CFAP46: variants seen among roughly 807,000 people sequenced by gnomAD.
CFAP46 encodes the protein cilia and flagella associated protein 46, also known as cilia- and flagella-associated protein 46.
Under a neutral mutation model 325.7 loss-of-function variants are expected in CFAP46, and 245 were observed. That is an observed-to-expected ratio of 0.75 (90% CI 0.68 to 0.84). The LOEUF (loss-of-function observed/expected upper bound fraction) is 0.84, where lower values mean the gene tolerates loss of function less well. CFAP46 is among the 40% of genes least tolerant of loss of function. The pLI is 0.00. For synonymous variants in CFAP46, 1,523 were observed against 1,495.9 expected, an observed-to-expected ratio of 1.02 and a Z score of -0.42; for missense variants, 3,346 against 3,543.0, an observed-to-expected ratio of 0.94 and a Z score of 1.41.
chr10:132,935,653 G>T (rs868029185), intron 7 of CFAP46, among the ~76,000 whole-genome samples: 4 of 121,752 alleles, frequency 3.3e-5, no homozygotes, highest in South Asian at 2.7e-4. Context: ...ACTCCCCTCA[G>T]CACCCAAACA....
In CFAP46 at chr10:132,851,210, C is replaced by T. The variant is rs1232397717; in HGVS notation, c.5670G>A (p.Glu1890=). ...GCTCACTCTGCTGCCCGTGGGCCTC[C>T]TCCCAGATGAACTGGAGCATGTCCA... is the stretch of plus-strand genomic sequence containing the variant. ...MALDMLQFIW[E]EAHGQQSEQG... The change falls in exon 40 of 58, where the codon GAG becomes GAA. Residue 1890 remains glutamate, a synonymous_variant. Coordinates refer to ENST00000368586, the MANE Select transcript of CFAP46 (RefSeq NM_001200049.3). 6.2e-7 allele frequency: 1 copy of T among 1,614,142 alleles called. No homozygotes were observed. Among genetic ancestry groups the T allele is most frequent in the Non-Finnish European group, 8.5e-7 (1 of 1,180,044 alleles).
intron 57 of CFAP46, 35 bp downstream of exon 57, chr10:132,810,365 AGAGGGTGCT>A: frequency 6.4e-7 from 1 of 1,555,196 alleles, no homozygotes; most frequent in Non-Finnish European, 8.9e-7. Flanking sequence ...CAGTGGCTGC[AGAGGGTGCT>A]GAAGGCCGCG....
chr10:132,934,918 T>C (rs1041181090), intron 7 of CFAP46, 56 bp from the exon 8 acceptor site: 3 of 1,144,816 alleles, frequency 2.6e-6, no homozygotes, highest in Non-Finnish European at 4.0e-6. Flanking sequence ...TTATTCAAAT[T>C]CTTCTAAGAG....
chr10:132,871,485 C>A (rs1848895523), intron 32 of CFAP46, among the ~76,000 whole-genome samples: 1 of 152,158 alleles, frequency 6.6e-6, no homozygotes, highest in Non-Finnish European at 1.5e-5. Context: ...TAAGAACATT[C>A]CTGATTCATG....
At position 132,869,576 on chromosome 10, in the gene CFAP46, C is replaced by T. The variant is rs1279561087; in HGVS notation, c.4512-204G>A. Among the ~76,000 whole-genome samples the T allele has an allele frequency of 2.6e-5, 4 of 152,202 alleles. No homozygotes were observed. Among genetic ancestry groups the T allele is most frequent in the Admixed American group, 6.5e-5 (1 of 15,286 alleles). On this transcript the variant is annotated intron_variant, in intron 32 of 57. Transcript: ENST00000368586. This position sits in a 1 kb window ranked among gnomAD's most constrained non-coding sequence, Gnocchi z 6.2. ...ATCAAATTTCAAGTGGGATTCTTCTCCCGCTCCTTCACAGATCTCGTGCGA... is the reference window on the plus strand; with the variant it reads ...ATCAAATTTCAAGTGGGATTCTTCTTCCGCTCCTTCACAGATCTCGTGCGA...
intron 3 of CFAP46, 144 bp downstream of exon 3, chr10:132,941,447 G>T (rs1850099673): frequency 8.9e-7 from 1 of 1,122,280 alleles, no homozygotes; most frequent in Non-Finnish European, 1.3e-6. Context: ...ACAGGAAATG[G>T]TGCAAGTTTC....
chr10:132,813,895 AG>A (rs1047474973), intron 54 of CFAP46, among the ~76,000 whole-genome samples: 9 of 152,160 alleles, frequency 5.9e-5, no homozygotes, highest in African/African-American at 2.2e-4. Flanking sequence ...GCTGGTGAAG[AG>A]GCAGCCCCTG....
chr10:132,927,109 C>A (rs1420267379), intron 9 of CFAP46, among the ~76,000 whole-genome samples: 2 of 152,094 alleles, frequency 1.3e-5, no homozygotes, highest in African/African-American at 2.4e-5. Context: ...GGTGGCCTTA[C>A]AAAAGCTGGG....
Position 132,851,158 on chromosome 10 carries a change from C to G in CFAP46, c.5722G>C (p.Asp1908His). The G allele has an allele frequency of 1.9e-6, 3 of 1,614,068 alleles. No individual in the cohort carries two copies. Among genetic ancestry groups the G allele is most frequent in the Non-Finnish European group, 2.5e-6 (3 of 1,180,024 alleles). Reference sequence around the variant, plus strand: ...TAGTCACTGGTGTTCTGCAGATAGTCCGCCAGCAGCTTCTCCAGGGACCCC... The same window carrying G: ...TAGTCACTGGTGTTCTGCAGATAGTGCGCCAGCAGCTTCTCCAGGGACCCC... ...EQGSLEKLLA[D>H]YLQNTSDYTS... The change falls in exon 40 of 58, where the codon GAC becomes CAC. Residue 1908 changes from aspartate to histidine, a missense_variant. Coordinates refer to ENST00000368586, the MANE Select transcript of CFAP46 (RefSeq NM_001200049.3).
rs1849572259 is a variant in CFAP46, at chr10:132,912,718, T to C, written c.2436A>G (p.Arg812=). Residue 812 remains arginine (R), a synonymous_variant, in exon 19 of 58, where the codon CGA becomes CGG. Coordinates refer to ENST00000368586, the MANE Select transcript of CFAP46 (RefSeq NM_001200049.3). ...QAAEKSRKFM[R]PNAFHSPLDA... is the part of the protein sequence containing the mutation. ...CCAGTGGGCTGTGAAACGCGTTTGGTCGCATGAATTTCCTGGACTTCTCGG... is the reference window on the plus strand; with the variant it reads ...CCAGTGGGCTGTGAAACGCGTTTGGCCGCATGAATTTCCTGGACTTCTCGG... 6.5e-7 allele frequency: 1 copy of C among 1,550,086 alleles called. No homozygotes were observed. The highest frequency in any genetic ancestry group is 1.2e-5 in the South Asian group (1 of 84,072).
chr10:132,821,831 G>A (rs540111346), intron 50 of CFAP46, among the ~76,000 whole-genome samples: 201 of 142,324 alleles, frequency 1.4e-3, no homozygotes, highest in Admixed American at 3.6e-3. Context: ...CTGTCTGTGC[G>A]CTGTGTGCTG....
chr10:132,829,044 A>T (rs1022496582), intron 50 of CFAP46, among the ~76,000 whole-genome samples: 26 of 148,398 alleles, frequency 1.8e-4, no homozygotes, highest in African/African-American at 6.5e-4. Context: ...GGTCCCTTAC[A>T]TTTTTATATA....
Position 132,810,995 on chromosome 10 carries a change from G to T in CFAP46, c.7538C>A (p.Ser2513Tyr). ...CATGTGCCTCTTCAAGCTCTGGTAG[G>T]ACCGCGCCAGGTCCAGCAGGACTGC... Reference protein sequence around the residue: ...QVAVLLDLARSYQSLKRHMES... With the variant: ...QVAVLLDLARYYQSLKRHMES... Residue 2513 changes from serine (S) to tyrosine (Y), a missense_variant, in exon 56 of 58, where the codon TCC becomes TAC. By Grantham distance (144) the Ser-to-Tyr change is moderately radical (BLOSUM62 -2). Coordinates refer to ENST00000368586, the MANE Select transcript of CFAP46 (RefSeq NM_001200049.3). 1 of 1,607,420 alleles carries T rather than the reference G, an allele frequency of 6.2e-7. No homozygotes were observed. The highest frequency in any genetic ancestry group is 1.1e-5 in the South Asian group (1 of 89,776).
At chr10:132,938,512 C>A (rs969792633) in intron 5 of CFAP46, 77 bp downstream of exon 5, 4 of 1,350,598 alleles carry the variant, frequency 3.0e-6, no homozygotes, top group South Asian at 1.3e-5. Flanking sequence ...GTCCCCCCCC[C>A]GGAGAAGGGG....
At position 132,886,268 on chromosome 10, in the gene CFAP46, C is replaced by T. The variant is rs539796746; in HGVS notation, c.3305-309G>A. On this transcript the variant is annotated intron_variant, in intron 25 of 57. Transcript: ENST00000368586. The surrounding 1 kb of genome is among the most constrained non-coding windows in gnomAD (Gnocchi z 5.8). ...TCACAAACACAGACCTGTGTTTCCA[C>T]GTATTAAAGATTGGCGAGCAGGACT... Among the ~76,000 whole-genome samples, 21 of 152,212 alleles carry T rather than the reference C, an allele frequency of 1.4e-4. No homozygotes were observed. Among genetic ancestry groups the T allele is most frequent in the Non-Finnish European group, 3.1e-4 (21 of 68,026 alleles).
At position 132,919,358 on chromosome 10, in the gene CFAP46, G is replaced by C; in HGVS notation, c.1815C>G (p.Leu605=). Reference sequence around the variant, plus strand: ...TCTTCACCTTGACGTTGTCATACAGGAGGCAGAAGCGGCTCGCCGTCCGAC... The same window carrying C: ...TCTTCACCTTGACGTTGTCATACAGCAGGCAGAAGCGGCTCGCCGTCCGAC... ...DVCRTASRFC[L]LYDNVKVKKL... is the part of the protein sequence containing the mutation. The change falls in exon 15 of 58, where the codon CTC becomes CTG. Residue 605 remains leucine (L), a synonymous_variant. Transcript: ENST00000368586. The surrounding 1 kb of genome is among the most constrained non-coding windows in gnomAD (Gnocchi z 9.7). 1 of 1,550,204 alleles carries C rather than the reference G, an allele frequency of 6.5e-7. No homozygotes were observed. Among genetic ancestry groups the C allele is most frequent in the East Asian group, 2.4e-5 (1 of 40,904 alleles).
At chr10:132,868,872 C>A (rs940756043) in intron 33 of CFAP46, among the ~76,000 whole-genome samples, 1 of 152,248 alleles carries the variant, frequency 6.6e-6, no homozygotes, top group East Asian at 1.9e-4. Context: ...TGTTACACAG[C>A]CTGATGTTAG....
intron 44 of CFAP46, among the ~76,000 whole-genome samples, chr10:132,840,917 C>T (rs557592179): frequency 6.6e-6 from 1 of 152,270 alleles, no homozygotes; most frequent in African/African-American, 2.4e-5. Flanking sequence ...CCATAGAGTC[C>T]GGGGTGGCAC....
intron 39 of CFAP46, among the ~76,000 whole-genome samples, chr10:132,851,984 C>G (rs1201239208): frequency 6.6e-6 from 1 of 151,884 alleles, no homozygotes; most frequent in African/African-American, 2.4e-5. Context: ...ATTCTCAGAT[C>G]CTGATCCACA....
Sources: gnomAD v4.1 joint callset for allele counts (sites outside exome capture counted in the v4.1 genomes callset) on GRCh38, gnomAD v4.1.1 for gene constraint, Gnocchi (gnomAD v3.1) non-coding constraint, MANE v1.5 for transcripts, NCBI Gene and HGNC (gene_info 2026-07-23, HGNC 2026-07-21) for gene names.